The following KHDRBS2 variants were observed in gnomAD, a reference collection of about 807,000 sequenced individuals.
KHDRBS2 encodes KH RNA binding domain containing, signal transduction associated 2.
A neutral mutation model predicts 44.3 loss-of-function variants in KHDRBS2; 26 were observed. The observed-to-expected ratio is 0.59, with a 90% CI of 0.43 to 0.81. The LOEUF (loss-of-function observed/expected upper bound fraction) is 0.81, where lower values mean the gene tolerates loss of function less well. Among genes scored for constraint, KHDRBS2 ranks in the 40% least tolerant of loss-of-function variants. The pLI is 0.00. For synonymous variants in KHDRBS2, 194 were observed against 151.1 expected, an observed-to-expected ratio of 1.28 and a Z score of -2.08; for missense variants, 476 against 433.1, an observed-to-expected ratio of 1.10 and a Z score of -0.88.
intron 2 of KHDRBS2, among the ~76,000 whole-genome samples, chr6:62,151,094 C>A (rs1815076398): frequency 6.6e-6 from 1 of 152,126 alleles, no homozygotes; most frequent in Admixed American, 6.6e-5. Flanking sequence ...CATATATGAA[C>A]TCTGGACTCA....
At chr6:61,900,250 G>A (rs1034279082) in intron 5 of KHDRBS2, among the ~76,000 whole-genome samples, 2 of 151,854 alleles carry the variant, frequency 1.3e-5, no homozygotes, top group African/African-American at 2.4e-5. Flanking sequence ...TTTGATTTAA[G>A]TGTTACAAAC....
the KHDRBS2 span, among the ~76,000 whole-genome samples, chr6:61,648,794 C>T: frequency 2.0e-5 from 3 of 151,956 alleles, no homozygotes; most frequent in Non-Finnish European, 4.4e-5. Flanking sequence ...TATATTTTTC[C>T]TTTTTACTGG....
intron 2 of KHDRBS2, among the ~76,000 whole-genome samples, chr6:62,068,186 C>T (rs140360688): frequency 6.2e-4 from 94 of 151,606 alleles, no homozygotes; most frequent in African/African-American, 2.2e-3. Context: ...TTCCACTTCT[C>T]GGTCAACACT....
At chr6:61,676,235 A>G (rs1765931592), downstream of KHDRBS2, among the ~76,000 whole-genome samples, 2 of 152,006 alleles carry the variant, frequency 1.3e-5, no homozygotes, top group African/African-American at 4.8e-5. Context: ...GAAGCCTAGC[A>G]TATTCATTTA....
At chr6:61,603,113 T>C in the KHDRBS2 span, among the ~76,000 whole-genome samples, 1 of 152,124 alleles carries the variant, frequency 6.6e-6, no homozygotes. Flanking sequence ...ACAGCATGCT[T>C]TAAAAGGATT....
chr6:61,618,548 C>T, the KHDRBS2 span, among the ~76,000 whole-genome samples: 3 of 152,220 alleles, frequency 2.0e-5, no homozygotes, highest in Middle Eastern at 0.01. Flanking sequence ...GTTCGTTGTA[C>T]AGATTATTTC....
At chr6:61,717,752 TA>T in intron 7 of KHDRBS2, among the ~76,000 whole-genome samples, 1 of 152,230 alleles carries the variant, frequency 6.6e-6, no homozygotes, top group East Asian at 1.9e-4. Flanking sequence ...ACATATAGCC[TA>T]AAAACAGTAA....
the KHDRBS2 span, among the ~76,000 whole-genome samples, chr6:61,560,127 C>A: frequency 6.6e-6 from 1 of 152,020 alleles, no homozygotes; most frequent in Admixed American, 6.6e-5. Context: ...TATGTCATGC[C>A]ACTCTTTCAC....
intron 2 of KHDRBS2, among the ~76,000 whole-genome samples, chr6:62,088,654 G>A (rs1798884937): frequency 6.6e-6 from 1 of 152,152 alleles, no homozygotes; most frequent in Non-Finnish European, 1.5e-5. Flanking sequence ...GCTGGGAAGT[G>A]TCTTCCAGTT....
At chr6:61,868,555 T>C (rs1798118920) in intron 6 of KHDRBS2, among the ~76,000 whole-genome samples, 1 of 152,116 alleles carries the variant, frequency 6.6e-6, no homozygotes, top group African/African-American at 2.4e-5. Flanking sequence ...TGAGGAGGAA[T>C]GGATTGGGGT....
Position 62,129,506 on chromosome 6 carries a change from G to T in KHDRBS2, c.219+47679C>A, listed in dbSNP as rs76555696. 6.7e-3 allele frequency among the ~76,000 whole-genome samples: 1,024 copies of T among 152,218 alleles called. 15 individuals carry two copies. The highest frequency in any genetic ancestry group is 0.022 in the African/African-American group (933 of 41,558). ...ATAGCAATAAAACGGAACTTAAGAA[G>T]AGCAAAATCTTTTTAATGGCTTAAA... On this transcript the variant is annotated intron_variant, in intron 2 of 8. Coordinates refer to ENST00000281156, the MANE Select transcript of KHDRBS2 (RefSeq NM_152688.4).
chr6:61,896,313 C>G (rs1802928212), intron 5 of KHDRBS2, among the ~76,000 whole-genome samples: 1 of 152,188 alleles, frequency 6.6e-6, no homozygotes, highest in South Asian at 2.1e-4. Flanking sequence ...TCACCCTACT[C>G]TATTCACGAG....
chr6:61,945,756 A>G (rs557571008), intron 4 of KHDRBS2, among the ~76,000 whole-genome samples: 1 of 152,104 alleles, frequency 6.6e-6, no homozygotes, highest in East Asian at 1.9e-4. Context: ...GAGACCGTCA[A>G]GCAAAAACCC....
chr6:61,706,445 A>G (rs986196016), intron 7 of KHDRBS2, among the ~76,000 whole-genome samples: 2 of 151,752 alleles, frequency 1.3e-5, no homozygotes, highest in African/African-American at 4.8e-5. Flanking sequence ...AAAAGATGCT[A>G]CTCAGAGAGG....
At chr6:62,113,473 G>A (rs1805498271) in intron 2 of KHDRBS2, among the ~76,000 whole-genome samples, 1 of 152,050 alleles carries the variant, frequency 6.6e-6, no homozygotes, top group South Asian at 2.1e-4. Context: ...ATGAGGTACA[G>A]AAAAATAAAA....
intron 2 of KHDRBS2, among the ~76,000 whole-genome samples, chr6:62,060,613 C>CTG (rs755312294): frequency 3.0e-5 from 4 of 134,476 alleles, no homozygotes; most frequent in Non-Finnish European, 4.9e-5. Context: ...CTCTCTGTCT[C>CTG]TCTCTCTCTC....
At chr6:61,609,273 G>C in the KHDRBS2 span, among the ~76,000 whole-genome samples, 4 of 152,152 alleles carry the variant, frequency 2.6e-5, no homozygotes, top group African/African-American at 9.7e-5. Flanking sequence ...GCAGAGAATC[G>C]CTTAAACCCA....
the KHDRBS2 span, among the ~76,000 whole-genome samples, chr6:61,579,557 T>A: frequency 6.6e-6 from 1 of 152,064 alleles, no homozygotes; most frequent in Non-Finnish European, 1.5e-5. Context: ...CCATGGCAAA[T>A]CATGATGGAC....
chr6:61,603,837 C>T, the KHDRBS2 span, among the ~76,000 whole-genome samples: 1,788 of 152,266 alleles, frequency 0.012, 35 homozygotes, highest in African/African-American at 0.042. Context: ...CACACCTGAC[C>T]ACCATGACTG....
Sources: gnomAD v4.1 joint callset for allele counts (sites outside exome capture counted in the v4.1 genomes callset) on GRCh38, gnomAD v4.1.1 for gene constraint, MANE v1.5 for transcripts, NCBI Gene and HGNC (gene_info 2026-07-23, HGNC 2026-07-21) for gene names.